ATG10: variants seen among roughly 807,000 people sequenced by gnomAD.
ATG10 encodes ubiquitin-like-conjugating enzyme ATG10.
In ATG10, 30 loss-of-function variants were observed where a neutral mutation model predicts 32.1. The ratio of observed to expected loss-of-function variants is 0.94; its 90% CI spans 0.70 to 1.27. The LOEUF (loss-of-function observed/expected upper bound fraction) is 1.27. Among genes scored for constraint, ATG10 ranks in the 50% most tolerant of loss-of-function variants. ATG10 has a pLI of 0.00. For synonymous variants in ATG10, 87 were observed against 91.5 expected, an observed-to-expected ratio of 0.95 and a Z score of 0.28; for missense variants, 233 against 262.3, an observed-to-expected ratio of 0.89 and a Z score of 0.77.
chr5:82,035,528 TA>T lies in ATG10; in HGVS notation c.109-22963del, dbSNP rs1353690487. Among the ~76,000 whole-genome samples the T allele has an allele frequency of 3.3e-5, 5 of 152,228 alleles. No homozygotes were observed. The East Asian group carries it at 7.7e-4, about 23-fold the overall frequency. On this transcript the variant is annotated intron_variant, in intron 2 of 7. Coordinates refer to ENST00000282185, the MANE Select transcript of ATG10 (RefSeq NM_031482.5). ...ATGCTCATTTTTCTCATATGCTCTA[TA>T]AAATTGGATATTGCTGATTTCTAAA... is the stretch of plus-strand genomic sequence containing the variant.
intron 5 of ATG10, among the ~76,000 whole-genome samples, chr5:82,220,321 G>GGC: frequency 6.6e-6 from 1 of 151,506 alleles, no homozygotes. Context: ...GGAGTGCAGT[G>GGC]GCGCAGTTTC....
intron 3 of ATG10, among the ~76,000 whole-genome samples, chr5:82,131,884 G>A (rs1766551189): frequency 6.6e-6 from 1 of 152,050 alleles, no homozygotes; most frequent in Non-Finnish European, 1.5e-5. Flanking sequence ...GGATAGGGGA[G>A]GGTGTCAGGA....
At chr5:82,149,586 G>GT (rs1010575787) in intron 3 of ATG10, among the ~76,000 whole-genome samples, 15 of 149,782 alleles carry the variant, frequency 1.0e-4, no homozygotes, top group Middle Eastern at 3.2e-3. Flanking sequence ...ACTACTGTTT[G>GT]TTTTTTTTCA....
At chr5:82,186,289 A>C (rs1744439937) in intron 5 of ATG10, among the ~76,000 whole-genome samples, 1 of 152,064 alleles carries the variant, frequency 6.6e-6, no homozygotes, top group Admixed American at 6.5e-5. Flanking sequence ...TAAGTCATTT[A>C]GGGGGCAGGT....
At chr5:82,179,887 T>A (rs1744167917) in intron 5 of ATG10, among the ~76,000 whole-genome samples, 1 of 152,110 alleles carries the variant, frequency 6.6e-6, no homozygotes, top group Non-Finnish European at 1.5e-5. Flanking sequence ...AGGTTTTAAT[T>A]GAGGACAAAA....
chr5:82,101,770 T>C (rs1014579318), intron 3 of ATG10, among the ~76,000 whole-genome samples: 5 of 152,188 alleles, frequency 3.3e-5, no homozygotes, highest in South Asian at 4.1e-4. Flanking sequence ...AGACCTGATA[T>C]GTAGTTTTTT....
At chr5:81,981,629 T>G (rs1052817344) in intron 1 of ATG10, among the ~76,000 whole-genome samples, 5 of 152,264 alleles carry the variant, frequency 3.3e-5, no homozygotes, top group African/African-American at 1.2e-4. Flanking sequence ...TTTAAATGTA[T>G]GCATCGCATG....
At chr5:82,049,010 A>C (rs893855274) in intron 2 of ATG10, among the ~76,000 whole-genome samples, 2 of 150,526 alleles carry the variant, frequency 1.3e-5, no homozygotes, top group Non-Finnish European at 3.0e-5. Context: ...GGGATCTAGA[A>C]CTAGAAATAC....
At chr5:82,089,290 C>T (rs1013341511) in intron 3 of ATG10, among the ~76,000 whole-genome samples, 9 of 151,300 alleles carry the variant, frequency 5.9e-5, no homozygotes, top group Admixed American at 1.3e-4. Context: ...TGTGGTGAGC[C>T]GATATTGCAC....
At chr5:81,992,015 G>A (rs1761479725) in intron 2 of ATG10, 1 of 152,066 alleles carries the variant, frequency 6.6e-6, no homozygotes, top group African/African-American at 2.4e-5. Flanking sequence ...AATCGAGACA[G>A]GGTCTCGCTC....
intron 3 of ATG10, among the ~76,000 whole-genome samples, chr5:82,102,666 A>G (rs1765319738): frequency 6.6e-6 from 1 of 152,196 alleles, no homozygotes; most frequent in South Asian, 2.1e-4. Flanking sequence ...CTTCCAATAC[A>G]TAAAAAGACC....
At chr5:82,176,296 G>A (rs1744017739) in intron 4 of ATG10, among the ~76,000 whole-genome samples, 1 of 152,166 alleles carries the variant, frequency 6.6e-6, no homozygotes, top group Non-Finnish European at 1.5e-5. Context: ...GCATTGGTGA[G>A]TCCTGAGATC....
chr5:82,189,329 C>A (rs183491867), intron 5 of ATG10, among the ~76,000 whole-genome samples: 22 of 152,312 alleles, frequency 1.4e-4, no homozygotes, highest in South Asian at 8.3e-4. Flanking sequence ...TGCTTTCATT[C>A]TGTTACAGAA....
chr5:82,029,584 A>G (rs1561262912), intron 2 of ATG10, among the ~76,000 whole-genome samples: 1 of 152,206 alleles, frequency 6.6e-6, no homozygotes, highest in Non-Finnish European at 1.5e-5. Flanking sequence ...TCTGTGTCTT[A>G]TGACTTACTG....
At chr5:82,031,752 GGTTAA>G (rs1193524492) in intron 2 of ATG10, among the ~76,000 whole-genome samples, 2 of 152,320 alleles carry the variant, frequency 1.3e-5, no homozygotes, top group East Asian at 1.9e-4. Context: ...CACATAAAAG[GGTTAA>G]GTTGAGTCTG....
At chr5:82,123,031 C>T (rs1266314886) in intron 3 of ATG10, among the ~76,000 whole-genome samples, 1 of 152,208 alleles carries the variant, frequency 6.6e-6, no homozygotes, top group African/African-American at 2.4e-5. Flanking sequence ...GAATATAAAT[C>T]ATTCTACTAT....
At chr5:82,140,095 G>T (rs1337214562) in intron 3 of ATG10, among the ~76,000 whole-genome samples, 1 of 129,316 alleles carries the variant, frequency 7.7e-6, no homozygotes, top group African/African-American at 3.0e-5. Context: ...CCGGCCAGCC[G>T]CCCCGTCTGG....
chr5:82,172,617 A>G lies in ATG10; in HGVS notation c.356-5873A>G, dbSNP rs181019292. On this transcript the variant is annotated intron_variant, in intron 4 of 7. Transcript: ENST00000282185. ...GGTTAAATTATTTATTCAAGGGTAC[A>G]TAGAAAACTGTAGAGTTGGGACTTA... Among the ~76,000 whole-genome samples the G allele has an allele frequency of 5.3e-5, 8 of 152,330 alleles. No homozygotes were observed. In the South Asian group the frequency reaches 6.2e-4, roughly 12 times the overall value.
intron 3 of ATG10, among the ~76,000 whole-genome samples, chr5:82,082,809 G>T (rs1348385091): frequency 2.6e-5 from 4 of 152,116 alleles, no homozygotes; most frequent in Non-Finnish European, 5.9e-5. Flanking sequence ...AATCATGGTT[G>T]TCTTAGAAAC....
Sources: allele counts gnomAD v4.1 joint callset (sites outside exome capture counted in the v4.1 genomes callset), GRCh38; gene constraint gnomAD v4.1.1; transcripts MANE v1.5; gene names NCBI Gene and HGNC (gene_info 2026-07-23, HGNC 2026-07-21).